EML6: variants seen among roughly 807,000 people sequenced by gnomAD.
EML6 encodes the protein echinoderm microtubule-associated protein-like 6.
EML6 carries 154 observed loss-of-function variants against 240.1 expected under a neutral mutation model. That is an observed-to-expected ratio of 0.64 (90% CI 0.56 to 0.73). EML6 has a LOEUF of 0.73. Among genes scored for constraint, EML6 ranks in the 30% least tolerant of loss-of-function variants. The pLI is 0.00. For synonymous variants in EML6, 1,148 were observed against 899.0 expected (o/e 1.28, Z -4.95); for missense variants, 2,964 against 2,474.6 (o/e 1.20, Z -4.20).
rs528693754 is a variant in EML6 at position 54,869,170 on chromosome 2, C to T, written c.2052-11C>T. On this transcript the variant is annotated splice_polypyrimidine_tract_variant and intron_variant, in intron 14 of 41. Transcript: ENST00000356458. ...TTCAACCACTATGCATTTCTTGGAC[C>T]TGTGCTTCAGTTATAGAGGCTACGA... 71 of 1,537,304 alleles carry T rather than the reference C, an allele frequency of 4.6e-5. No homozygotes were observed. The highest frequency in any genetic ancestry group is 1.9e-4 in the Middle Eastern group (1 of 5,326).
intron 26 of EML6, among the ~76,000 whole-genome samples, chr2:54,923,564 C>T (rs976489139): frequency 6.6e-6 from 1 of 152,090 alleles, no homozygotes; most frequent in Non-Finnish European, 1.5e-5. Flanking sequence ...TTTTAGACAT[C>T]AAGATACTTA....
intron 7 of EML6, among the ~76,000 whole-genome samples, chr2:54,842,458 C>T (rs564598617): frequency 1.3e-5 from 2 of 152,218 alleles, no homozygotes; most frequent in Admixed American, 1.3e-4. Context: ...TAATTACAGT[C>T]TATATCTTAA....
intron 2 of EML6, among the ~76,000 whole-genome samples, chr2:54,730,502 A>G (rs1191512497): frequency 6.6e-6 from 1 of 152,206 alleles, no homozygotes; most frequent in Admixed American, 6.5e-5. Context: ...CTTCATGTAT[A>G]TGTCATCCTA....
rs1176977788 is a variant in EML6, at chr2:54,964,122, A to G, written c.5294A>G (p.Lys1765Arg). Residue 1765 changes from lysine (K) to arginine (R), a missense_variant, in exon 37 of 42, where the codon AAA becomes AGA. Coordinates refer to ENST00000356458, the MANE Select transcript of EML6 (RefSeq NM_001039753.4). Reference sequence around the variant, plus strand: ...GTGAACAGCCTGAAAGTTTGGGGGAAAAAACGAGACCGGAAATCTGCTATC... The same window carrying G: ...GTGAACAGCCTGAAAGTTTGGGGGAGAAAACGAGACCGGAAATCTGCTATC... The part of the protein sequence containing the change: ...LLVNSLKVWG[K>R]KRDRKSAIQD... 17 of 1,551,628 alleles carry G rather than the reference A, an allele frequency of 1.1e-5. No individual in the cohort carries two copies. In the South Asian group the frequency reaches 1.9e-4, roughly 17 times the overall value.
intron 10 of EML6, among the ~76,000 whole-genome samples, chr2:54,852,866 A>C (rs1020343798): frequency 6.6e-6 from 1 of 152,190 alleles, no homozygotes; most frequent in Non-Finnish European, 1.5e-5. Context: ...ACACTTTCCC[A>C]AATGTATGTA....
At chr2:54,884,304 G>A (rs1304948615) in intron 17 of EML6, among the ~76,000 whole-genome samples, 1 of 152,138 alleles carries the variant, frequency 6.6e-6, no homozygotes, top group Non-Finnish European at 1.5e-5. Flanking sequence ...GCCTCCCTGG[G>A]TGCACCTCCC....
rs114713785 is a variant in EML6, at chr2:54,892,409, A to G, written c.2540-45A>G. 3.7e-4 allele frequency: 492 copies of G among 1,331,646 alleles called. 2 individuals are homozygous for G. In the African/African-American group the frequency reaches 6.4e-3, roughly 17 times the overall value. 82.5% of individuals were successfully genotyped at this position (1,331,646 alleles called of 1,614,324 possible). A position where few individuals can be genotyped will look rare whatever the true frequency, so the allele number is the denominator to read the frequency against. On this transcript the variant is annotated intron_variant, in intron 18 of 41. Transcript: ENST00000356458. ...GTAGTCCTTCTACATGCTTATAGGA[A>G]GTGCCAGATTTTATAAAGTAATAAC... is the stretch of plus-strand genomic sequence containing the variant.
At position 54,770,834 on chromosome 2, in the gene EML6, C is replaced by T. The variant is rs572409496; in HGVS notation, c.198-42398C>T. ...TTTCCAGTGCTGCCTTCTTAGTATC[C>T]TCTGCTGAATGCTTCTCTGCTTGTC... On this transcript the variant is annotated intron_variant, in intron 2 of 41. Coordinates refer to ENST00000356458, the MANE Select transcript of EML6 (RefSeq NM_001039753.4). 2.0e-5 allele frequency among the ~76,000 whole-genome samples: 3 copies of T among 152,136 alleles called. No individual in the cohort carries two copies. The East Asian group carries it at 5.8e-4, about 29-fold the overall frequency.
chr2:54,869,456 G>A (rs1318509299), intron 15 of EML6, 89 bp downstream of exon 15: 3 of 1,011,866 alleles, frequency 3.0e-6, no homozygotes, highest in African/African-American at 3.3e-5. Flanking sequence ...AGAAATGCTT[G>A]GTAGAAATAA....
intron 2 of EML6, among the ~76,000 whole-genome samples, chr2:54,762,799 GAATC>G (rs1668035215): frequency 6.6e-6 from 1 of 152,086 alleles, no homozygotes; most frequent in South Asian, 2.1e-4. Context: ...CCTAGCACTG[GAATC>G]AATTTCTCCA....
In EML6 at chr2:54,827,751, TGTAA is replaced by T; in HGVS notation, c.711+4_711+7del. The T allele has an allele frequency of 6.5e-7, 1 of 1,549,828 alleles. No homozygotes were observed. The highest frequency in any genetic ancestry group is 8.7e-7 in the Non-Finnish European group (1 of 1,145,332). On this transcript the variant is annotated splice_donor_variant and splice_donor_region_variant and intron_variant, in intron 6 of 41. Transcript: ENST00000356458. LOFTEE classifies it high-confidence loss of function. ...TCCGCACCATTCAAGGAGCACATAG[TGTAA>T]GTATTACCTTGTGGAAATCTGTGGG...
chr2:54,804,303 G>A (rs942517174), intron 2 of EML6, among the ~76,000 whole-genome samples: 1 of 152,204 alleles, frequency 6.6e-6, no homozygotes, highest in Non-Finnish European at 1.5e-5. Context: ...CAATGCTTGA[G>A]TCATACTCCT....
intron 8 of EML6, among the ~76,000 whole-genome samples, chr2:54,845,244 C>A (rs1263830359): frequency 6.6e-6 from 1 of 152,190 alleles, no homozygotes; most frequent in Non-Finnish European, 1.5e-5. Flanking sequence ...GTTGTTCTCT[C>A]CTTGTGTGAC....
rs186396698 is a variant in EML6 at position 54,937,333 on chromosome 2, C to T, written c.4004+8582C>T. ...AGCATGGTGGGGCAAGCCGGTTATC[C>T]CAGCACTTTGGGAAGCCGAGGCAGG... On this transcript the variant is annotated intron_variant, in intron 28 of 41. Coordinates refer to ENST00000356458, the MANE Select transcript of EML6 (RefSeq NM_001039753.4). 4.0e-5 allele frequency among the ~76,000 whole-genome samples: 6 copies of T among 150,916 alleles called. 1 individual carries two copies. Among genetic ancestry groups the T allele is most frequent in the Admixed American group, 3.9e-4 (6 of 15,208 alleles).
intron 16 of EML6, among the ~76,000 whole-genome samples, chr2:54,875,253 T>C (rs542423016): frequency 1.3e-5 from 2 of 152,330 alleles, no homozygotes; most frequent in South Asian, 4.1e-4. Context: ...ACCTGAAGTA[T>C]GAACAAGGGC....
chr2:54,939,349 A>G (rs1208175453), intron 28 of EML6, among the ~76,000 whole-genome samples: 1 of 152,176 alleles, frequency 6.6e-6, no homozygotes, highest in Non-Finnish European at 1.5e-5. Flanking sequence ...TGTTGAGGGT[A>G]GTTGTCTGCT....
chr2:54,854,772 T>G (rs1670282572), intron 11 of EML6, among the ~76,000 whole-genome samples: 1 of 152,240 alleles, frequency 6.6e-6, no homozygotes, highest in African/African-American at 2.4e-5. Flanking sequence ...GACCATCCGT[T>G]TAAAATGTGC....
At chr2:54,888,160 G>A (rs553518026) in intron 17 of EML6, among the ~76,000 whole-genome samples, 5 of 152,286 alleles carry the variant, frequency 3.3e-5, no homozygotes, top group African/African-American at 1.2e-4. Context: ...TCGAGCTGGG[G>A]GCTGGGGCAG....
chr2:54,962,470 A>C (rs1676563657), intron 35 of EML6, 53 bp from the exon 36 acceptor site: 1 of 1,343,500 alleles, frequency 7.4e-7, no homozygotes, highest in African/African-American at 1.5e-5. Context: ...ACCTCATATG[A>C]GTGCAGTCAT....
Sources: allele counts gnomAD v4.1 joint callset (sites outside exome capture counted in the v4.1 genomes callset), GRCh38; gene constraint gnomAD v4.1.1; transcripts MANE v1.5; gene names NCBI Gene and HGNC (gene_info 2026-07-23, HGNC 2026-07-21).